FAF1: variants seen among roughly 807,000 people sequenced by gnomAD.
The protein encoded by FAF1 is Fas associated factor 1, also known as FAS-associated factor 1.
In FAF1, 25 loss-of-function variants were observed where a neutral mutation model predicts 92.5. The ratio of observed to expected loss-of-function variants is 0.27; its 90% CI spans 0.20 to 0.38. The LOEUF is 0.38. FAF1 is among the 10% of genes least tolerant of loss of function. The pLI is 1.00. For missense variants in FAF1, 636 were observed against 793.3 expected (o/e 0.80, Z 2.38); for synonymous variants, 234 against 273.2 (o/e 0.86, Z 1.42).
At chr1:50,623,585 AAAAGAAAG>A (rs887425659) in intron 8 of FAF1, among the ~76,000 whole-genome samples, 5 of 151,826 alleles carry the variant, frequency 3.3e-5, no homozygotes, top group African/African-American at 4.8e-5. Flanking sequence ...GAAAAAAAAA[AAAAGAAAG>A]AAAGAAAAGA....
At chr1:50,716,470 C>G (rs181199474) in intron 6 of FAF1, among the ~76,000 whole-genome samples, 90 of 152,250 alleles carry the variant, frequency 5.9e-4, no homozygotes, top group Non-Finnish European at 1.2e-3. Flanking sequence ...CTTCCTGGGT[C>G]GAGTGGGGAC....
chr1:50,923,854 C>G (rs1234486403), intron 1 of FAF1, among the ~76,000 whole-genome samples: 1 of 152,074 alleles, frequency 6.6e-6, no homozygotes. Context: ...GACATTGAAA[C>G]AGCATTCAAT....
In FAF1 at chr1:50,814,857, T is replaced by C. The variant is rs376604595; in HGVS notation, c.115-13180A>G. On this transcript the variant is annotated intron_variant, in intron 2 of 18. Coordinates refer to ENST00000396153, the MANE Select transcript of FAF1 (RefSeq NM_007051.3). ...TAGGATGGCTACTATCACACACACA[T>C]ACACACACAAAACCAGAAGATAAGT... is the stretch of plus-strand genomic sequence containing the variant. 2.0e-4 allele frequency among the ~76,000 whole-genome samples: 31 copies of C among 152,164 alleles called. No individual in the cohort carries two copies. The South Asian group carries it at 4.6e-3, about 22-fold the overall frequency.
rs550545572 is a variant in FAF1 at position 50,951,818 on chromosome 1, T to C, written c.45+7949A>G. Among the ~76,000 whole-genome samples the C allele has an allele frequency of 7.2e-5, 11 of 152,322 alleles. No homozygotes were observed. The East Asian group carries it at 1.9e-3, about 27-fold the overall frequency. ...CTAATCCGCAACATCACAAAAGATA[T>C]CTGTTTGGATCAATACCATTTCTGC... On this transcript the variant is annotated intron_variant, in intron 1 of 18. Transcript: ENST00000396153.
chr1:50,813,375 G>A (rs1643935194), intron 2 of FAF1, among the ~76,000 whole-genome samples: 1 of 152,100 alleles, frequency 6.6e-6, no homozygotes, highest in South Asian at 2.1e-4. Flanking sequence ...ATATTTTAGT[G>A]TATATCCTTC....
At chr1:50,450,528 A>G (rs1646282732) in intron 18 of FAF1, among the ~76,000 whole-genome samples, 1 of 152,202 alleles carries the variant, frequency 6.6e-6, no homozygotes, top group Non-Finnish European at 1.5e-5. Context: ...GGCATAAAAA[A>G]TGCTGCACTC....
chr1:50,617,712 T>TTA (rs1553121713), intron 8 of FAF1, among the ~76,000 whole-genome samples: 1 of 150,410 alleles, frequency 6.6e-6, no homozygotes, highest in East Asian at 1.9e-4. Flanking sequence ...TTTTTTTTTT[T>TTA]AATAATTTCA....
chr1:50,519,277 C>T (rs531058326), intron 15 of FAF1, among the ~76,000 whole-genome samples: 4 of 151,002 alleles, frequency 2.6e-5, no homozygotes, highest in Admixed American at 6.6e-5. Flanking sequence ...TGCAGTGAGT[C>T]GAGACCACGC....
chr1:50,811,682 C>T (rs1351557685), intron 2 of FAF1, among the ~76,000 whole-genome samples: 2 of 152,208 alleles, frequency 1.3e-5, no homozygotes, highest in Non-Finnish European at 2.9e-5. Flanking sequence ...CTACCAAGGA[C>T]ATTCTTCACA....
At position 50,539,711 on chromosome 1, in the gene FAF1, T is replaced by G; in HGVS notation, c.1286A>C (p.Asn429Thr). Residue 429 changes from asparagine (N) to threonine (T), a missense_variant, in exon 14 of 19, where the codon AAT (asparagine) becomes ACT (threonine). Transcript: ENST00000396153. Reference protein sequence around the residue: ...SNRARFLTMCNRHFGSVVAQT... With the variant: ...SNRARFLTMCTRHFGSVVAQT... ...TGCCACAACACTGCCAAAGTGTCTA[T>G]TGCACATAGTGAGAAATCTAAAAGG... is the stretch of plus-strand genomic sequence containing the variant. 1 of 1,611,710 alleles carries G rather than the reference T, an allele frequency of 6.2e-7. No individual in the cohort carries two copies. Among genetic ancestry groups the G allele is most frequent in the East Asian group, 2.2e-5 (1 of 44,820 alleles).
At chr1:50,593,163 A>G (rs1651609639) in intron 9 of FAF1, among the ~76,000 whole-genome samples, 1 of 152,178 alleles carries the variant, frequency 6.6e-6, no homozygotes, top group African/African-American at 2.4e-5. Flanking sequence ...ATAATAAGAT[A>G]TTACCGAGGT....
chr1:50,865,536 T>C (rs1416427199), intron 1 of FAF1, among the ~76,000 whole-genome samples: 1 of 136,534 alleles, frequency 7.3e-6, no homozygotes, highest in Non-Finnish European at 1.6e-5. Context: ...ATGTCCTTTG[T>C]AGGGACATGG....
intron 1 of FAF1, among the ~76,000 whole-genome samples, chr1:50,940,058 GTA>G: frequency 6.6e-6 from 1 of 151,984 alleles, no homozygotes; most frequent in Non-Finnish European, 1.5e-5. Context: ...CTACAGGCAC[GTA>G]CCACCACATC....
intron 8 of FAF1, among the ~76,000 whole-genome samples, chr1:50,639,294 C>A (rs989125820): frequency 2.6e-5 from 4 of 152,156 alleles, no homozygotes; most frequent in African/African-American, 7.2e-5. Context: ...TGTTTTCATT[C>A]CCCTTTGGAA....
intron 15 of FAF1, among the ~76,000 whole-genome samples, chr1:50,500,222 A>G (rs1289483411): frequency 6.6e-6 from 1 of 152,176 alleles, no homozygotes; most frequent in East Asian, 1.9e-4. Flanking sequence ...TAAAAAATAA[A>G]ATAACTAAAT....
At chr1:50,926,636 T>C (rs1007908084) in intron 1 of FAF1, among the ~76,000 whole-genome samples, 2 of 152,208 alleles carry the variant, frequency 1.3e-5, no homozygotes, top group African/African-American at 4.8e-5. Flanking sequence ...TTACTCTGAT[T>C]TGATCACTAC....
At chr1:50,847,555 C>G (rs1197885885) in intron 2 of FAF1, among the ~76,000 whole-genome samples, 1 of 151,418 alleles carries the variant, frequency 6.6e-6, no homozygotes, top group African/African-American at 2.4e-5. Context: ...AGAAATTACT[C>G]AAACTGAAAC....
chr1:50,628,301 G>C (rs1031509793), intron 8 of FAF1, among the ~76,000 whole-genome samples: 3 of 152,138 alleles, frequency 2.0e-5, no homozygotes, highest in Non-Finnish European at 2.9e-5. Context: ...TACTCAGCCT[G>C]AACTAGAAAC....
chr1:50,956,706 T>C (rs1450462167), intron 1 of FAF1, among the ~76,000 whole-genome samples: 2 of 152,184 alleles, frequency 1.3e-5, no homozygotes, highest in Non-Finnish European at 2.9e-5. Context: ...CCCAGCACTT[T>C]GGGAGGCCAA....
Sources: allele counts gnomAD v4.1 joint callset (sites outside exome capture counted in the v4.1 genomes callset), GRCh38; gene constraint gnomAD v4.1.1; transcripts MANE v1.5; gene names NCBI Gene and HGNC (gene_info 2026-07-23, HGNC 2026-07-21).